Variants in MLLT3 observed in about 807,000 individuals in gnomAD.
The protein encoded by MLLT3 is protein AF-9.
In MLLT3, 4 loss-of-function variants were observed where a neutral mutation model predicts 53.2. That is an observed-to-expected ratio of 0.08 (90% CI 0.04 to 0.17). The LOEUF is 0.17. Ranked by LOEUF, MLLT3 falls within the 10% of genes least tolerant of loss-of-function variation. MLLT3 has a pLI of 1.00. For missense variants in MLLT3, 569 were observed against 684.0 expected (o/e 0.83, Z 1.87); for synonymous variants, 283 against 230.6 (o/e 1.23, Z -2.06).
chr9:20,523,287 T>G (rs1818115605), intron 2 of MLLT3, among the ~76,000 whole-genome samples: 1 of 152,222 alleles, frequency 6.6e-6, no homozygotes, highest in South Asian at 2.1e-4. Context: ...CAAAATGGTA[T>G]AGCCACTTTG....
At chr9:20,582,404 C>T (rs1587095860) in intron 2 of MLLT3, among the ~76,000 whole-genome samples, 1 of 152,316 alleles carries the variant, frequency 6.6e-6, no homozygotes, top group East Asian at 1.9e-4. Context: ...CTTCCTTCCT[C>T]CCCACCAAAC....
intron 2 of MLLT3, among the ~76,000 whole-genome samples, chr9:20,546,201 T>C (rs1020933864): frequency 1.3e-5 from 2 of 152,124 alleles, no homozygotes; most frequent in South Asian, 2.1e-4. Flanking sequence ...AAGACACAGA[T>C]TGTAAAAAGA....
intron 8 of MLLT3, among the ~76,000 whole-genome samples, chr9:20,359,371 G>A (rs372400364): frequency 3.9e-5 from 6 of 152,206 alleles, no homozygotes; most frequent in Admixed American, 2.6e-4. Flanking sequence ...GGTAAAAGAC[G>A]GCTGGGCCAT....
At chr9:20,519,271 C>G (rs766884054) in intron 2 of MLLT3, among the ~76,000 whole-genome samples, 1 of 152,068 alleles carries the variant, frequency 6.6e-6, no homozygotes, top group Non-Finnish European at 1.5e-5. Context: ...TCAGTTTTTA[C>G]AAAAGTTTTT....
chr9:20,566,380 T>C (rs1819378781), intron 2 of MLLT3, among the ~76,000 whole-genome samples: 1 of 152,096 alleles, frequency 6.6e-6, no homozygotes, highest in Admixed American at 6.6e-5. Flanking sequence ...TCACAATGCA[T>C]GTTCTTTTTA....
chr9:20,386,580 A>G (rs999220702), intron 5 of MLLT3, among the ~76,000 whole-genome samples: 2 of 152,236 alleles, frequency 1.3e-5, no homozygotes, highest in African/African-American at 4.8e-5. Context: ...AGAAGCTTTC[A>G]GCTGTCACAG....
At chr9:20,434,306 C>T (rs374431015) in intron 4 of MLLT3, among the ~76,000 whole-genome samples, 19 of 151,880 alleles carry the variant, frequency 1.3e-4, no homozygotes, top group South Asian at 8.3e-4. Context: ...TCAGGGACAA[C>T]GGAGCATCAA....
At chr9:20,613,658 C>T (rs959913911) in intron 2 of MLLT3, among the ~76,000 whole-genome samples, 9 of 151,188 alleles carry the variant, frequency 6.0e-5, no homozygotes, top group Non-Finnish European at 1.0e-4. Flanking sequence ...AAAAGACAAA[C>T]GGTAAATAAA....
chr9:20,588,003 T>A (rs979518649), intron 2 of MLLT3, among the ~76,000 whole-genome samples: 4 of 150,004 alleles, frequency 2.7e-5, no homozygotes, highest in African/African-American at 9.7e-5. Context: ...TAATCCATCT[T>A]GAATTGATTT....
intron 2 of MLLT3, among the ~76,000 whole-genome samples, chr9:20,470,261 A>G: frequency 6.6e-6 from 1 of 152,152 alleles, no homozygotes; most frequent in Admixed American, 6.5e-5. Flanking sequence ...AAGAATAGAA[A>G]AAAATGTTTA....
rs1435733683 is a variant in MLLT3 at position 20,619,031 on chromosome 9, C to T, written c.193+1623G>A. 4.6e-5 allele frequency among the ~76,000 whole-genome samples: 7 copies of T among 152,112 alleles called. No individual in the cohort carries two copies. The South Asian group carries it at 1.2e-3, about 27-fold the overall frequency. On this transcript the variant is annotated intron_variant, in intron 2 of 10. Coordinates refer to ENST00000380338, the MANE Select transcript of MLLT3 (RefSeq NM_004529.4). The stretch of plus-strand genomic sequence containing the variant: ...TACCAAGGATCTTAGAAAGTGGTTT[C>T]TTTTGTTTAAACTCCTCTGCTCTAC...
rs140247298 is a variant in MLLT3 at position 20,387,759 on chromosome 9, T to C, written c.1126-22015A>G. Among the ~76,000 whole-genome samples, 576 of 152,320 alleles carry C rather than the reference T, an allele frequency of 3.8e-3. 5 individuals are homozygous for C. The highest frequency in any genetic ancestry group is 0.013 in the African/African-American group (545 of 41,568). On this transcript the variant is annotated intron_variant, in intron 5 of 10. Coordinates refer to ENST00000380338, the MANE Select transcript of MLLT3 (RefSeq NM_004529.4). ...TAGTTCCTTTGATATGGCAACATCT[T>C]AGAAAAGGCAGTTTGAGAAAAGTTA...
At chr9:20,608,004 A>C (rs1820610438) in intron 2 of MLLT3, among the ~76,000 whole-genome samples, 1 of 152,008 alleles carries the variant, frequency 6.6e-6, no homozygotes, top group South Asian at 2.1e-4. Flanking sequence ...TCTTAGTATC[A>C]AAATAGTTTG....
chr9:20,402,355 A>G (rs1209961131), intron 5 of MLLT3, among the ~76,000 whole-genome samples: 3 of 152,202 alleles, frequency 2.0e-5, no homozygotes, highest in Non-Finnish European at 2.9e-5. Context: ...AAGGTGCCAT[A>G]GTCTAAAAAG....
intron 2 of MLLT3, among the ~76,000 whole-genome samples, chr9:20,525,880 C>CT (rs1172762676): frequency 6.6e-6 from 1 of 152,108 alleles, no homozygotes; most frequent in Non-Finnish European, 1.5e-5. Context: ...TTGTGACATT[C>CT]TTTAAGAATT....
intron 2 of MLLT3, among the ~76,000 whole-genome samples, chr9:20,509,560 C>T (rs1413250990): frequency 6.6e-6 from 1 of 152,162 alleles, no homozygotes; most frequent in Non-Finnish European, 1.5e-5. Flanking sequence ...TTAATATCTA[C>T]AACACTTGAG....
At chr9:20,388,640 G>A (rs559063042) in intron 5 of MLLT3, among the ~76,000 whole-genome samples, 3 of 151,614 alleles carry the variant, frequency 2.0e-5, no homozygotes, top group Non-Finnish European at 4.4e-5. Context: ...ACAATAATAA[G>A]GTAATTGTCA....
intron 2 of MLLT3, among the ~76,000 whole-genome samples, chr9:20,550,001 C>T (rs542234167): frequency 3.3e-4 from 51 of 152,302 alleles, no homozygotes; most frequent in African/African-American, 1.2e-3. Flanking sequence ...TGGCTCATCA[C>T]TCATCTACAA....
In MLLT3 at chr9:20,448,216, T is replaced by C; in HGVS notation, c.327A>G (p.Glu109=). 6.2e-7 allele frequency: 1 copy of C among 1,613,680 alleles called. No homozygotes were observed. The part of the protein sequence containing the change: ...RFDYDLFLHL[E]GHPPVNHLRC... ...GGAGGTGATTCACTGGTGGATGGCC[T>C]TCAAGATGCAGGAATAAGTCATAAT... is the stretch of plus-strand genomic sequence containing the variant. The change falls in exon 4 of 11, where the codon GAA becomes GAG. Residue 109 remains glutamate (E), a synonymous_variant. Coordinates refer to ENST00000380338, the MANE Select transcript of MLLT3 (RefSeq NM_004529.4). The surrounding 1 kb of genome is among the most constrained non-coding windows in gnomAD (Gnocchi z 4.0).
Sources: gnomAD v4.1 joint callset for allele counts (sites outside exome capture counted in the v4.1 genomes callset) on GRCh38, gnomAD v4.1.1 for gene constraint, Gnocchi (gnomAD v3.1) non-coding constraint, MANE v1.5 for transcripts, NCBI Gene and HGNC (gene_info 2026-07-23, HGNC 2026-07-21) for gene names.